Variants in RTTN observed in about 807,000 individuals in gnomAD.
RTTN encodes the protein rotatin.
In RTTN, 182 loss-of-function variants were observed where a neutral mutation model predicts 269.2. That is an observed-to-expected ratio of 0.68 (90% confidence interval 0.60 to 0.76). The LOEUF (loss-of-function observed/expected upper bound fraction) is 0.76. RTTN is among the 30% of genes least tolerant of loss of function. RTTN has a pLI of 0.00. For synonymous variants in RTTN, 1,006 were observed against 963.5 expected (o/e 1.04, Z -0.82); for missense variants, 2,545 against 2,608.6 (o/e 0.98, Z 0.53).
chr18:70,031,090 T>G (rs1018276342), intron 40 of RTTN, 109 bp from the exon 41 acceptor site: 2 of 653,020 alleles, frequency 3.1e-6, no homozygotes, highest in African/African-American at 3.6e-5. Context: ...GTTTCAACTA[T>G]CATGTGAAAT....
chr18:70,113,291 C>A (rs2059521728), intron 27 of RTTN, among the ~76,000 whole-genome samples: 1 of 152,092 alleles, frequency 6.6e-6, no homozygotes, highest in South Asian at 2.1e-4. Flanking sequence ...GCCATAAGAA[C>A]ATGAGAAGAT....
intron 47 of RTTN, chr18:70,005,595 C>T (rs887138072): frequency 4.8e-6 from 1 of 207,692 alleles, no homozygotes; most frequent in African/African-American, 2.3e-5. Flanking sequence ...TCCCTCAAAC[C>T]TCAGATTTCT....
chr18:70,033,058 T>C (rs1568271020), intron 40 of RTTN, among the ~76,000 whole-genome samples: 3 of 152,248 alleles, frequency 2.0e-5, no homozygotes, highest in Non-Finnish European at 4.4e-5. Flanking sequence ...GGGTAGATCC[T>C]TCATGAATGG....
chr18:70,115,151 AT>A (rs1479068568), intron 26 of RTTN, among the ~76,000 whole-genome samples: 1 of 152,088 alleles, frequency 6.6e-6, no homozygotes, highest in African/African-American at 2.4e-5. Flanking sequence ...TTATGTATGA[AT>A]TCTGCAATAA....
At chr18:70,052,410 A>T (rs2057695764) in intron 38 of RTTN, among the ~76,000 whole-genome samples, 1 of 152,122 alleles carries the variant, frequency 6.6e-6, no homozygotes, top group Admixed American at 6.6e-5. Context: ...CATCCCCACA[A>T]GATTTTAATT....
Position 70,176,200 on chromosome 18 carries a change from G to GTAT in RTTN, c.1476+474_1476+475insATA, listed in dbSNP as rs1555773833. Among the ~76,000 whole-genome samples, 265 of 137,660 alleles carry GTAT rather than the reference G, an allele frequency of 1.9e-3. 1 individual carries two copies. Among genetic ancestry groups the GTAT allele is most frequent in the African/African-American group, 6.8e-3 (237 of 34,774 alleles). 90.3% of individuals were successfully genotyped at this position (137,660 alleles called of 152,430 possible). On this transcript the variant is annotated intron_variant, in intron 11 of 48. Coordinates refer to ENST00000640769, the MANE Select transcript of RTTN (RefSeq NM_173630.4). Reference sequence around the variant, plus strand: ...ATATGTATACGTAGATGTAGATGTAGATGTATATGTATATGTATATGTATA... The same window carrying GTAT: ...ATATGTATACGTAGATGTAGATGTAGTATATGTATATGTATATGTATATGTATA...
At position 70,143,651 on chromosome 18, in the gene RTTN, C is replaced by CG. The variant is rs549726283; in HGVS notation, c.2482-1265_2482-1264insC. Reference sequence around the variant, plus strand: ...TGAAAAATAACTATCGGGTACTAGGCTTAGTACCAGGGTGACGAAATAATC... The same window carrying CG: ...TGAAAAATAACTATCGGGTACTAGGCGTTAGTACCAGGGTGACGAAATAATC... On this transcript the variant is annotated intron_variant, in intron 18 of 48. Coordinates refer to ENST00000640769, the MANE Select transcript of RTTN (RefSeq NM_173630.4). Among the ~76,000 whole-genome samples the CG allele has an allele frequency of 1.4e-3, 206 of 152,100 alleles. 2 individuals are homozygous for CG. Among genetic ancestry groups the CG allele is most frequent in the Non-Finnish European group, 2.3e-3 (154 of 67,984 alleles).
intron 37 of RTTN, among the ~76,000 whole-genome samples, chr18:70,056,769 G>A (rs1218798018): frequency 1.3e-5 from 2 of 152,208 alleles, no homozygotes; most frequent in African/African-American, 2.4e-5. Context: ...ATCATCCTAA[G>A]TGGAATAGCC....
At chr18:70,198,497 T>C (rs1167171622) in intron 5 of RTTN, among the ~76,000 whole-genome samples, 1 of 152,222 alleles carries the variant, frequency 6.6e-6, no homozygotes, top group Non-Finnish European at 1.5e-5. Context: ...CCACCTGTAA[T>C]CTGGACTTAG....
At position 70,204,082 on chromosome 18, in the gene RTTN, T is replaced by C. The variant is rs1407379942; in HGVS notation, c.397+4A>G. 1.9e-6 allele frequency: 3 copies of C among 1,587,862 alleles called. No homozygotes were observed. The highest frequency in any genetic ancestry group is 4.5e-5 in the East Asian group (2 of 44,710). On this transcript the variant is annotated splice_donor_region_variant and intron_variant, in intron 3 of 48. Coordinates refer to ENST00000640769, the MANE Select transcript of RTTN (RefSeq NM_173630.4). ...TTTGTATTTAACAGATTCCAAAGAG[T>C]TACCAGTTTGATTGGTTTGGTATGA...
At chr18:70,063,970 T>TC (rs1481449625) in intron 35 of RTTN, among the ~76,000 whole-genome samples, 3 of 150,404 alleles carry the variant, frequency 2.0e-5, no homozygotes, top group African/African-American at 7.3e-5. Context: ...ATATGCTTTT[T>TC]TTTTTTTTTT....
intron 27 of RTTN, among the ~76,000 whole-genome samples, chr18:70,111,325 G>A (rs1403821172): frequency 6.6e-6 from 1 of 152,188 alleles, no homozygotes; most frequent in Non-Finnish European, 1.5e-5. Context: ...GCTGGCATCT[G>A]GCAGGTGCCC....
intron 33 of RTTN, 98 bp downstream of exon 33, chr18:70,075,254 C>T: frequency 1.2e-6 from 1 of 831,212 alleles, no homozygotes; most frequent in South Asian, 2.1e-5. Flanking sequence ...TCCCTGTATA[C>T]TTTCATTTTT....
intron 39 of RTTN, among the ~76,000 whole-genome samples, 199 bp downstream of exon 39, chr18:70,051,212 A>T (rs2057656726): frequency 1.3e-5 from 2 of 152,188 alleles, no homozygotes; most frequent in South Asian, 4.1e-4. Flanking sequence ...TTATCTCAAA[A>T]TGTGTTTCAA....
chr18:70,076,425 C>G (rs1220494411), intron 32 of RTTN, among the ~76,000 whole-genome samples: 2 of 151,998 alleles, frequency 1.3e-5, no homozygotes, highest in Non-Finnish European at 2.9e-5. Flanking sequence ...GTATGTGTGT[C>G]TGTTCTCTCA....
chr18:70,196,675 T>C (rs755514467), intron 6 of RTTN, 27 bp from the exon 7 acceptor site: 3 of 1,603,938 alleles, frequency 1.9e-6, no homozygotes, highest in Non-Finnish European at 2.5e-6. Flanking sequence ...CCGTGAAAAT[T>C]ACTAAGGGAA....
chr18:70,027,362 T>A (rs1012704656), intron 43 of RTTN, among the ~76,000 whole-genome samples: 21 of 152,154 alleles, frequency 1.4e-4, no homozygotes, highest in African/African-American at 5.1e-4. Flanking sequence ...TCCATAATAT[T>A]ATATTTATAC....
At chr18:70,031,286 A>G (rs945083859) in intron 40 of RTTN, 2 of 472,532 alleles carry the variant, frequency 4.2e-6, no homozygotes, top group African/African-American at 2.0e-5. Context: ...CGCATATTGT[A>G]TATATATGTG....
At chr18:70,193,196 A>G in intron 8 of RTTN, 92 bp downstream of exon 8, 3 of 1,139,112 alleles carry the variant, frequency 2.6e-6, no homozygotes, top group South Asian at 3.3e-5. Flanking sequence ...AAAAAAAAAA[A>G]GGACAGAAAA....
Sources: gnomAD v4.1 joint callset for allele counts (sites outside exome capture counted in the v4.1 genomes callset) on GRCh38, gnomAD v4.1.1 for gene constraint, MANE v1.5 for transcripts, NCBI Gene and HGNC (gene_info 2026-07-23, HGNC 2026-07-21) for gene names.